The following ANKRD36 variants were observed in gnomAD, a reference collection of about 807,000 sequenced individuals.
ANKRD36 encodes the protein ankyrin repeat domain-containing protein 36A.
ANKRD36 carries 179 observed loss-of-function variants against 278.1 expected under a neutral mutation model. The ratio of observed to expected loss-of-function variants is 0.64; its 90% confidence interval spans 0.57 to 0.73. The LOEUF is 0.73. Among genes scored for constraint, ANKRD36 ranks in the 30% least tolerant of loss-of-function variants. The pLI is 0.00. For synonymous variants in ANKRD36, 320 were observed against 641.1 expected (o/e 0.50, Z 7.57); for missense variants, 1,159 against 1,956.7 (o/e 0.59, Z 7.69).
At chr2:97,162,314 A>T (rs1201849669) in intron 18 of ANKRD36, among the ~76,000 whole-genome samples, 176 bp downstream of exon 18, 2 of 152,218 alleles carry the variant, frequency 1.3e-5, no homozygotes, top group Admixed American at 6.5e-5. Flanking sequence ...AAATAAATTT[A>T]AAATTAAATT....
chr2:97,200,079 A>G (rs1245893238), intron 44 of ANKRD36, among the ~76,000 whole-genome samples: 3 of 151,894 alleles, frequency 2.0e-5, no homozygotes, highest in African/African-American at 7.2e-5. Context: ...TGAGATTGAC[A>G]CGGTTTTATT....
intron 30 of ANKRD36, among the ~76,000 whole-genome samples, chr2:97,186,726 G>T (rs1432869394): frequency 6.6e-6 from 1 of 151,886 alleles, no homozygotes; most frequent in Non-Finnish European, 1.5e-5. Flanking sequence ...TTCAACTGAA[G>T]TGTCACTGTA....
At position 97,113,750 on chromosome 2, in the gene ANKRD36, G is replaced by A. The variant is rs2315151; in HGVS notation, c.11G>A (p.Gly4Asp). Reference protein sequence around the residue: MEDGKRERWPTLME... With the variant: MEDDKRERWPTLME... ...TTGCAGCCGACGATTATGGAAGACG[G>A]CAAGCGGGAGAGGTGGCCCACCCTC... is the stretch of plus-strand genomic sequence containing the variant. The change falls in exon 1 of 76, where the codon GGC becomes GAC. Residue 4 changes from glycine to aspartate, a missense_variant. Transcript: ENST00000420699. 2,023 of 1,608,904 alleles carry A rather than the reference G, an allele frequency of 1.3e-3. 33 individuals are homozygous for A. Among genetic ancestry groups the A allele is most frequent in the Middle Eastern group, 7.6e-3 (46 of 6,016 alleles).
chr2:97,186,269 G>A (rs973843387), intron 30 of ANKRD36, among the ~76,000 whole-genome samples: 12 of 151,156 alleles, frequency 7.9e-5, no homozygotes, highest in Admixed American at 6.6e-5. Flanking sequence ...TCATCAAAGA[G>A]CTATCTCACG....
chr2:97,158,709 T>A, intron 17 of ANKRD36, 54 bp downstream of exon 17: 1 of 1,445,724 alleles, frequency 6.9e-7, no homozygotes, highest in Non-Finnish European at 9.3e-7. Context: ...TCCAGTCCTG[T>A]TCACCAACTC....
At position 97,203,956 on chromosome 2, in the gene ANKRD36, G is replaced by A. The variant is rs371387265; in HGVS notation, c.2960-112G>A. 126 of 1,474,244 alleles carry A rather than the reference G, an allele frequency of 8.5e-5. 10 individuals are homozygous for A. Among genetic ancestry groups the A allele is most frequent in the East Asian group, 4.0e-4 (16 of 40,108 alleles). 91.3% of individuals were successfully genotyped at this position (1,474,244 alleles called of 1,614,324 possible). ...CAGACCAAAATTAGAAGCCATCAAA[G>A]CATACGCTAATACAGGCAGGAGGAC... On this transcript the variant is annotated intron_variant, in intron 48 of 75. Coordinates refer to ENST00000420699, the MANE Select transcript of ANKRD36 (RefSeq NM_001354587.1).
At chr2:97,125,088 A>G (rs1245265771) in intron 5 of ANKRD36, among the ~76,000 whole-genome samples, 1 of 151,456 alleles carries the variant, frequency 6.6e-6, no homozygotes, top group Non-Finnish European at 1.5e-5. Context: ...TACAAGTCAG[A>G]AGGAGAAGGG....
At chr2:97,194,657 C>G (rs2059279029) in intron 38 of ANKRD36, 69 bp from the exon 39 acceptor site, 1 of 1,589,136 alleles carries the variant, frequency 6.3e-7, no homozygotes, top group African/African-American at 1.3e-5. Flanking sequence ...GATGCTAACA[C>G]TGTGTGAATG....
In ANKRD36 at chr2:97,245,402, A is replaced by C; in HGVS notation, c.4737A>C (p.Glu1579Asp). 6.3e-7 allele frequency: 1 copy of C among 1,581,838 alleles called. No homozygotes were observed. Among genetic ancestry groups the C allele is most frequent in the Middle Eastern group, 1.7e-4 (1 of 5,980 alleles). Residue 1579 changes from glutamate to aspartate, a missense_variant, in exon 71 of 76, where the codon GAA becomes GAC. Glu to Asp is a conservative substitution (Grantham distance 45). Transcript: ENST00000420699. ...YSGQLAALTD[E>D]NTTLRSKLEK... is the part of the protein sequence containing the mutation. ...GACAGCTTGCTGCTCTGACAGATGAAAACACAACGCTCCGTTCCAAACTGG... is the reference window on the plus strand; with the variant it reads ...GACAGCTTGCTGCTCTGACAGATGACAACACAACGCTCCGTTCCAAACTGG...
intron 52 of ANKRD36, among the ~76,000 whole-genome samples, chr2:97,206,820 T>A (rs1459729037): frequency 6.6e-6 from 1 of 151,564 alleles, no homozygotes; most frequent in Non-Finnish European, 1.5e-5. Flanking sequence ...CAGAGATACA[T>A]GTTTTGTTGA....
intron 44 of ANKRD36, 121 bp from the exon 45 acceptor site, chr2:97,200,213 G>A (rs1225670241): frequency 9.6e-6 from 15 of 1,568,230 alleles, no homozygotes; most frequent in African/African-American, 2.7e-5. Context: ...CAAAGTAGAA[G>A]CCATCAAAGC....
chr2:97,130,402 C>G lies in ANKRD36; in HGVS notation c.799+3268C>G, dbSNP rs1172417549. ...ATAGGTGGGAATTGAACAATGAGAA[C>G]ACATGGACACAGGAAGGGGAACATC... On this transcript the variant is annotated intron_variant, in intron 6 of 75. Transcript: ENST00000420699. Among the ~76,000 whole-genome samples the G allele has an allele frequency of 4.5e-5, 6 of 133,920 alleles. No individual in the cohort carries two copies. In the Admixed American group the frequency reaches 4.5e-4, roughly 10 times the overall value. 87.9% of individuals were successfully genotyped at this position (133,920 alleles called of 152,430 possible).
intron 6 of ANKRD36, among the ~76,000 whole-genome samples, chr2:97,136,505 AC>A (rs1409724609): frequency 6.6e-6 from 1 of 151,930 alleles, no homozygotes; most frequent in Non-Finnish European, 1.5e-5. Flanking sequence ...GGAGGCCCAG[AC>A]TTGTAACTGC....
rs541635001 is a variant in ANKRD36, at chr2:97,195,874, A to G, written c.2552-719A>G. On this transcript the variant is annotated intron_variant, in intron 40 of 75. Transcript: ENST00000420699. ...GTTGTGGCAGTTTTACTTTGTAGAA[A>G]TATGTCAAAATTGATAATTGATGAC... 1.2e-3 allele frequency among the ~76,000 whole-genome samples: 185 copies of G among 152,022 alleles called. 1 individual carries two copies. Among genetic ancestry groups the G allele is most frequent in the African/African-American group, 3.5e-3 (146 of 41,496 alleles).
At chr2:97,125,650 A>T (rs2038393827) in intron 5 of ANKRD36, among the ~76,000 whole-genome samples, 1 of 151,320 alleles carries the variant, frequency 6.6e-6, no homozygotes, top group Non-Finnish European at 1.5e-5. Context: ...GGAAGCTTCT[A>T]TGCCATCCTT....
chr2:97,115,860 G>A (rs1376201222), intron 1 of ANKRD36, among the ~76,000 whole-genome samples: 3 of 150,254 alleles, frequency 2.0e-5, no homozygotes, highest in African/African-American at 7.4e-5. Flanking sequence ...GCTTAAAATA[G>A]CAATGTATTT....
intron 17 of ANKRD36, 134 bp from the exon 18 acceptor site, chr2:97,161,965 T>G: frequency 1.7e-6 from 1 of 582,214 alleles, no homozygotes; most frequent in Admixed American, 4.4e-5. Flanking sequence ...ATAAAATTAG[T>G]ATTTTATTCA....
chr2:97,118,099 C>T lies in ANKRD36; in HGVS notation c.233C>T (p.Pro78Leu), dbSNP rs751389201. 2.5e-5 allele frequency: 39 copies of T among 1,557,306 alleles called. 1 individual carries two copies. In the African/African-American group the frequency reaches 3.1e-4, roughly 13 times the overall value. ...ALHLACATGQ[P>L]EMVHLLVSRR... ...CATTTGGCCTGTGCCACTGGCCAAC[C>T]GGAAATGGTACATCTCCTGGTGTCC... is the stretch of plus-strand genomic sequence containing the variant. The change falls in exon 2 of 76, where the codon CCG (proline) becomes CTG (leucine). Residue 78 changes from proline to leucine, a missense_variant. By Grantham distance (98) the Pro-to-Leu change is moderately conservative. Coordinates refer to ENST00000420699, the MANE Select transcript of ANKRD36 (RefSeq NM_001354587.1).
chr2:97,211,767 G>T (rs1276632784), intron 58 of ANKRD36, 26 bp downstream of exon 58: 2 of 1,556,074 alleles, frequency 1.3e-6, no homozygotes, highest in East Asian at 2.4e-5. Flanking sequence ...CATTTAATAT[G>T]ATGTTCGGTC....
Sources: gnomAD v4.1 joint callset for allele counts (sites outside exome capture counted in the v4.1 genomes callset) on GRCh38, gnomAD v4.1.1 for gene constraint, MANE v1.5 for transcripts, NCBI Gene and HGNC (gene_info 2026-07-23, HGNC 2026-07-21) for gene names.